Variants in LRP2 observed in about 807,000 individuals in gnomAD.
LRP2 encodes the protein low-density lipoprotein receptor-related protein 2.
A neutral mutation model predicts 531.0 loss-of-function variants in LRP2; 172 were observed. The ratio of observed to expected loss-of-function variants is 0.32; its 90% CI spans 0.29 to 0.37. The LOEUF (loss-of-function observed/expected upper bound fraction) is 0.37, where lower values mean the gene tolerates loss of function less well. Among genes scored for constraint, LRP2 ranks in the 10% least tolerant of loss-of-function variants. The pLI, the probability that LRP2 is intolerant of heterozygous loss-of-function variation, is 1.00. For missense variants in LRP2, 5,167 were observed against 5,868.3 expected, an observed-to-expected ratio of 0.88 and a Z score of 3.90; for synonymous variants, 1,992 against 2,027.6, an observed-to-expected ratio of 0.98 and a Z score of 0.47.
intron 43 of LRP2, among the ~76,000 whole-genome samples, chr2:169,202,245 T>C (rs183282784): frequency 1.3e-5 from 2 of 152,154 alleles, no homozygotes; most frequent in African/African-American, 2.4e-5. Flanking sequence ...CAGAACTCCC[T>C]GAGAAAGTCC....
rs373632128 is a variant in LRP2, at chr2:169,244,853, G to C, written c.3270C>G (p.Asn1090Lys). The change falls in exon 22 of 79, where the codon AAC becomes AAG. Residue 1090 changes from asparagine (N) to lysine (K), a missense_variant. This residue lies in a region of LRP2 where 2,811 missense variants were observed against 3,058.0 expected (regional missense o/e 0.92). Coordinates refer to ENST00000649046, the MANE Select transcript of LRP2 (RefSeq NM_004525.3). Reference sequence around the variant, plus strand: ...GCTCATCACTGCCATCCACACAGTCGTTGCGTTTGTCACAGCGCCAGTGTG... The same window carrying C: ...GCTCATCACTGCCATCCACACAGTCCTTGCGTTTGTCACAGCGCCAGTGTG... ...IPAHWRCDKR[N>K]DCVDGSDEHN... The C allele has an allele frequency of 6.2e-7, 1 of 1,614,102 alleles. No homozygotes were observed. Among genetic ancestry groups the C allele is most frequent in the African/African-American group, 1.3e-5 (1 of 74,938 alleles).
chr2:169,276,419 A>G (rs1683555368), intron 13 of LRP2, among the ~76,000 whole-genome samples: 1 of 152,176 alleles, frequency 6.6e-6, no homozygotes, highest in Non-Finnish European at 1.5e-5. Flanking sequence ...AAGTTAGACT[A>G]TATAATATAA....
At position 169,150,887 on chromosome 2, in the gene LRP2, C is replaced by G. The variant is rs752085402; in HGVS notation, c.12590+11G>C. 1.1e-5 allele frequency: 18 copies of G among 1,613,868 alleles called. No homozygotes were observed. Among genetic ancestry groups the G allele is most frequent in the African/African-American group, 2.7e-5 (2 of 74,996 alleles). ...AATATCTAGATGTTGAAGACTTCTC[C>G]AAGTACTTACCCTAGTTTGGGATTC... On this transcript the variant is annotated intron_variant, in intron 68 of 78. Coordinates refer to ENST00000649046, the MANE Select transcript of LRP2 (RefSeq NM_004525.3).
intron 50 of LRP2, among the ~76,000 whole-genome samples, chr2:169,183,556 AC>A (rs1388560472): frequency 2.6e-5 from 4 of 152,174 alleles, no homozygotes; most frequent in African/African-American, 4.8e-5. Context: ...TGTTGCTATT[AC>A]CATTCAAGTC....
chr2:169,139,335 A>G lies in LRP2; in HGVS notation c.13304T>C (p.Val4435Ala). The G allele has an allele frequency of 6.2e-7, 1 of 1,614,156 alleles. No homozygotes were observed. Among genetic ancestry groups the G allele is most frequent in the African/African-American group, 1.3e-5 (1 of 75,038 alleles). The change falls in exon 74 of 79, where the codon GTC becomes GCC. Residue 4435 changes from valine (V) to alanine (A), a missense_variant. By Grantham distance (64) the Val-to-Ala change is moderately conservative. This residue lies in a region of LRP2 where 348 missense variants were observed against 369.3 expected (regional missense o/e 0.94). Transcript: ENST00000649046. ...VAVLLTILLI[V>A]VIGALAIAGF... is the part of the protein sequence containing the mutation. The stretch of plus-strand genomic sequence containing the variant: ...TGCAATTGCCAGAGCTCCAATTACG[A>G]CGATCAAGAGGATTGTCAACAGCAC...
At chr2:169,257,013 G>A (rs981770860) in intron 18 of LRP2, 111 bp downstream of exon 18, 54 of 1,221,710 alleles carry the variant, frequency 4.4e-5, no homozygotes, top group Admixed American at 8.5e-5. Flanking sequence ...TTAAAATTCC[G>A]CGAGGGCAAG....
In LRP2 at chr2:169,213,702, C is replaced by G. The variant is rs748726443; in HGVS notation, c.5995G>C (p.Asp1999His). 4 of 1,613,698 alleles carry G rather than the reference C, an allele frequency of 2.5e-6. No individual in the cohort carries two copies. Among genetic ancestry groups the G allele is most frequent in the Non-Finnish European group, 3.4e-6 (4 of 1,179,834 alleles). The change falls in exon 36 of 79, where the codon GAT (aspartate) becomes CAT (histidine). Residue 1999 changes from aspartate to histidine, a missense_variant. Physicochemically the swap from Asp to His is moderately conservative, Grantham distance 81. This residue lies in a region of LRP2 where 2,811 missense variants were observed against 3,058.0 expected (regional missense o/e 0.92). Transcript: ENST00000649046. The part of the protein sequence containing the change: ...ATGANKIVLR[D>H]NVPNLRGLQV... ...AGACCCCTCAGATTTGGAACATTAT[C>G]TCTCAAGACTATTTTGTTGGCCCCA...
intron 16 of LRP2, among the ~76,000 whole-genome samples, chr2:169,263,020 G>A (rs566199374): frequency 3.0e-4 from 45 of 152,238 alleles, no homozygotes; most frequent in African/African-American, 1.0e-3. Flanking sequence ...AATAAATGGT[G>A]CTGGGAAAAC....
Position 169,172,121 on chromosome 2 carries a change from G to C in LRP2, c.11157C>G (p.Cys3719Trp). 1 of 1,614,170 alleles carries C rather than the reference G, an allele frequency of 6.2e-7. No homozygotes were observed. The change falls in exon 58 of 79, where the codon TGC becomes TGG. Residue 3719 changes from cysteine to tryptophan, a missense_variant. Transcript: ENST00000649046. ...SDEQGCEERTCHPVGDFRCKN... is the reference protein window; with the variant it reads ...SDEQGCEERTWHPVGDFRCKN... The stretch of plus-strand genomic sequence containing the variant: ...TACAGCGGAAATCCCCCACAGGATG[G>C]CATGTCCTCTCCTCTGCAAAGCAGT...
intron 38 of LRP2, 121 bp downstream of exon 38, chr2:169,209,332 A>AC: frequency 1.2e-6 from 1 of 853,296 alleles, no homozygotes; most frequent in Non-Finnish European, 2.0e-6. Context: ...TGTATCTTAA[A>AC]TGGTCTTAAT....
At chr2:169,187,871 G>T in intron 49 of LRP2, 99 bp downstream of exon 49, 2 of 1,264,850 alleles carry the variant, frequency 1.6e-6, no homozygotes, top group African/African-American at 1.5e-5. Context: ...TGGTAACTTT[G>T]TAGTTAGAGG....
intron 1 of LRP2, among the ~76,000 whole-genome samples, chr2:169,329,905 G>A (rs1027579912): frequency 3.3e-5 from 5 of 152,220 alleles, no homozygotes; most frequent in African/African-American, 1.2e-4. Flanking sequence ...GTGAGAGGCG[G>A]GTGAGTGAGC....
intron 62 of LRP2, 140 bp downstream of exon 62, chr2:169,165,792 T>G (rs1558989829): frequency 9.6e-7 from 1 of 1,037,170 alleles, no homozygotes; most frequent in East Asian, 2.4e-5. Context: ...TGCATGGTCT[T>G]GTAAACAATT....
At chr2:169,350,439 T>C (rs1685815979) in intron 1 of LRP2, among the ~76,000 whole-genome samples, 1 of 151,758 alleles carries the variant, frequency 6.6e-6, no homozygotes, top group African/African-American at 2.4e-5. Flanking sequence ...TCCTCAAAAG[T>C]ATGGGGACTG....
intron 67 of LRP2, among the ~76,000 whole-genome samples, chr2:169,151,285 A>AT (rs1243636508): frequency 6.6e-6 from 1 of 152,196 alleles, no homozygotes; most frequent in Non-Finnish European, 1.5e-5. Flanking sequence ...CCACAATGGA[A>AT]TTAACTCAAT....
At chr2:169,214,675 G>A (rs1559021208) in intron 35 of LRP2, among the ~76,000 whole-genome samples, 1 of 152,166 alleles carries the variant, frequency 6.6e-6, no homozygotes, top group Non-Finnish European at 1.5e-5. Flanking sequence ...AGAGTGGAGA[G>A]AGTGGAGGCC....
At chr2:169,152,539 T>C (rs1395702030) in intron 67 of LRP2, among the ~76,000 whole-genome samples, 2 of 152,220 alleles carry the variant, frequency 1.3e-5, no homozygotes. Flanking sequence ...ATAATATCTA[T>C]ATCCAGATAT....
chr2:169,244,823 G>A lies in LRP2; in HGVS notation c.3300C>T (p.Asn1100=). 1 of 1,614,282 alleles carries A rather than the reference G, an allele frequency of 6.2e-7. No homozygotes were observed. The highest frequency in any genetic ancestry group is 8.5e-7 in the Non-Finnish European group (1 of 1,180,054). The change falls in exon 22 of 79, where the codon AAC becomes AAT. Residue 1100 remains asparagine, a synonymous_variant. Transcript: ENST00000649046. ...NDCVDGSDEH[N]CPTHAPASCL... ...AGGAAGCAGGTGCGTGGGTGGGGCA[G>A]TTGTGCTCATCACTGCCATCCACAC...
intron 24 of LRP2, 40 bp downstream of exon 24, chr2:169,242,916 G>T (rs1354809380): frequency 3.5e-6 from 5 of 1,429,856 alleles, no homozygotes; most frequent in South Asian, 1.2e-5. Context: ...AAAATGAAAT[G>T]ACCCCTTTGT....
Sources: allele counts gnomAD v4.1 joint callset (sites outside exome capture counted in the v4.1 genomes callset), GRCh38; gene constraint gnomAD v4.1.1; regional missense constraint gnomAD v4.1.1; transcripts MANE v1.5; gene names NCBI Gene and HGNC (gene_info 2026-07-23, HGNC 2026-07-21).